ADAMTSL1: variants seen among roughly 807,000 people sequenced by gnomAD.
ADAMTSL1 encodes ADAMTS like 1.
A neutral mutation model predicts 201.8 loss-of-function variants in ADAMTSL1; 126 were observed. The observed-to-expected ratio is 0.62, with a 90% CI of 0.54 to 0.72. The LOEUF is 0.72. Among genes scored for constraint, ADAMTSL1 ranks in the 30% least tolerant of loss-of-function variants. The pLI, the probability that ADAMTSL1 is intolerant of heterozygous loss-of-function variation, is 0.00. For synonymous variants in ADAMTSL1, 1,121 were observed against 903.4 expected, an observed-to-expected ratio of 1.24 and a Z score of -4.32; for missense variants, 2,679 against 2,277.8, an observed-to-expected ratio of 1.18 and a Z score of -3.59.
At chr9:18,712,707 T>C (rs1832689073) in intron 14 of ADAMTSL1, among the ~76,000 whole-genome samples, 1 of 151,644 alleles carries the variant, frequency 6.6e-6, no homozygotes, top group African/African-American at 2.4e-5. Context: ...TTCCCCAATT[T>C]AGCAAGGCAG....
At chr9:18,873,706 T>C (rs1265076337) in intron 23 of ADAMTSL1, among the ~76,000 whole-genome samples, 1 of 151,864 alleles carries the variant, frequency 6.6e-6, no homozygotes, top group Non-Finnish European at 1.5e-5. Flanking sequence ...GACTATGGCC[T>C]TATAGTTTGA....
chr9:18,172,704 T>G (rs1827955299), intron 2 of ADAMTSL1, among the ~76,000 whole-genome samples: 1 of 151,936 alleles, frequency 6.6e-6, no homozygotes, highest in Admixed American at 6.6e-5. Flanking sequence ...TGAAAGAAAA[T>G]CATGAATATC....
chr9:18,892,083 G>A (rs769562457), intron 25 of ADAMTSL1, among the ~76,000 whole-genome samples: 7 of 152,158 alleles, frequency 4.6e-5, no homozygotes, highest in Non-Finnish European at 8.8e-5. Flanking sequence ...CCACCTCTCT[G>A]TATGAACACT....
intron 11 of ADAMTSL1, chr9:18,681,537 CTT>C (rs1830469112): frequency 4.7e-6 from 1 of 213,598 alleles, no homozygotes; most frequent in Non-Finnish European, 9.4e-6. Context: ...TGGTTTGAGA[CTT>C]TGCACACAGT....
chr9:18,238,167 T>C (rs1830920517), intron 2 of ADAMTSL1, among the ~76,000 whole-genome samples: 1 of 152,240 alleles, frequency 6.6e-6, no homozygotes, highest in South Asian at 2.1e-4. Flanking sequence ...TTGTGTTTTT[T>C]TAAGAGAGCT....
intron 15 of ADAMTSL1, chr9:18,723,941 A>G (rs1817708733): frequency 6.6e-6 from 1 of 152,180 alleles, no homozygotes; most frequent in Non-Finnish European, 1.5e-5. Flanking sequence ...TTGTTTTCCC[A>G]CACAACCCAC....
chr9:18,622,429 GTC>G (rs1564096038), intron 5 of ADAMTSL1, 60 bp downstream of exon 5: 1 of 1,609,430 alleles, frequency 6.2e-7, no homozygotes, highest in African/African-American at 1.3e-5. Flanking sequence ...CCTGGCTTAG[GTC>G]TGGCCCCACT....
chr9:18,749,486 G>A (rs1376669888), intron 15 of ADAMTSL1, among the ~76,000 whole-genome samples: 2 of 152,106 alleles, frequency 1.3e-5, no homozygotes, highest in Non-Finnish European at 1.5e-5. Flanking sequence ...CAGATCCCCT[G>A]TCCTCCTTGC....
intron 4 of ADAMTSL1, among the ~76,000 whole-genome samples, chr9:18,609,201 A>G (rs1400011955): frequency 1.3e-5 from 2 of 152,248 alleles, no homozygotes; most frequent in African/African-American, 4.8e-5. Flanking sequence ...TTCCTGAATT[A>G]ACTCTGAAAA....
At chr9:18,388,484 G>C (rs1837898074) in intron 2 of ADAMTSL1, among the ~76,000 whole-genome samples, 1 of 152,088 alleles carries the variant, frequency 6.6e-6, no homozygotes, top group Non-Finnish European at 1.5e-5. Context: ...ATGTTGCCCA[G>C]GCTGGTTTCG....
chr9:18,301,063 A>G (rs1039910521), intron 2 of ADAMTSL1, among the ~76,000 whole-genome samples: 1 of 152,244 alleles, frequency 6.6e-6, no homozygotes, highest in Non-Finnish European at 1.5e-5. Context: ...AATACTATTT[A>G]TATAGCCATA....
rs2131634708 is a variant in ADAMTSL1 at position 18,908,555 on chromosome 9, G to C, written c.*7G>C. 1 of 1,555,656 alleles carries C rather than the reference G, an allele frequency of 6.4e-7. No homozygotes were observed. Among genetic ancestry groups the C allele is most frequent in the African/African-American group, 1.4e-5 (1 of 73,252 alleles). On this transcript the variant is annotated 3_prime_UTR_variant, in exon 29 of 29. Coordinates refer to ENST00000380548, the MANE Select transcript of ADAMTSL1 (RefSeq NM_001040272.6). ...AACTTGTGGCAAAGCGTGAAGATAG[G>C]GTGTGGGGAAAAACTCTACCCTGGC... is the stretch of plus-strand genomic sequence containing the variant.
At chr9:17,926,262 G>T (rs1483922603) in intron 1 of ADAMTSL1, among the ~76,000 whole-genome samples, 1 of 152,148 alleles carries the variant, frequency 6.6e-6, no homozygotes, top group African/African-American at 2.4e-5. Flanking sequence ...ATTGGTATAA[G>T]ATGAAATTCA....
chr9:18,801,179 A>G (rs1323767669), intron 20 of ADAMTSL1, among the ~76,000 whole-genome samples: 1 of 152,186 alleles, frequency 6.6e-6, no homozygotes, highest in Non-Finnish European at 1.5e-5. Flanking sequence ...ATTCCTTCTC[A>G]TCTTTTATGC....
intron 9 of ADAMTSL1, among the ~76,000 whole-genome samples, chr9:18,663,560 C>G (rs1302243319): frequency 6.6e-6 from 1 of 152,028 alleles, no homozygotes; most frequent in Non-Finnish European, 1.5e-5. Flanking sequence ...AATAGGAAGA[C>G]CAGTGTGTGA....
intron 2 of ADAMTSL1, among the ~76,000 whole-genome samples, chr9:18,254,396 T>C (rs1468310025): frequency 7.9e-6 from 1 of 126,656 alleles, no homozygotes; most frequent in Non-Finnish European, 1.6e-5. Flanking sequence ...GGAATCTCGC[T>C]CTGTCCCCCA....
intron 20 of ADAMTSL1, among the ~76,000 whole-genome samples, chr9:18,802,905 G>A (rs1191229002): frequency 1.3e-5 from 2 of 152,168 alleles, no homozygotes; most frequent in African/African-American, 2.4e-5. Flanking sequence ...CCAGCCTCAT[G>A]AGCGTGAAGT....
chr9:18,394,668 A>ATGGGTTTCATTATTTGTTC (rs1817678721), intron 2 of ADAMTSL1, among the ~76,000 whole-genome samples: 1 of 152,216 alleles, frequency 6.6e-6, no homozygotes, highest in Non-Finnish European at 1.5e-5. Context: ...TAAATTCAAC[A>ATGGGTTTCATTATTTGTTC]TGGGTTTCAT....
chr9:18,335,251 T>C (rs2132932701), intron 2 of ADAMTSL1, among the ~76,000 whole-genome samples: 1 of 152,312 alleles, frequency 6.6e-6, no homozygotes, highest in Non-Finnish European at 1.5e-5. Context: ...GTTATTGGGT[T>C]AAGACAGGCA....
Sources: gnomAD v4.1 joint callset for allele counts (sites outside exome capture counted in the v4.1 genomes callset) on GRCh38, gnomAD v4.1.1 for gene constraint, MANE v1.5 for transcripts, NCBI Gene and HGNC (gene_info 2026-07-23, HGNC 2026-07-21) for gene names.